LY75: variants seen among roughly 807,000 people sequenced by gnomAD.
LY75 encodes lymphocyte antigen 75, also known as C-type lectin domain family 13 member B.
LY75 carries 185 observed loss-of-function variants against 231.7 expected under a neutral mutation model. The ratio of observed to expected loss-of-function variants is 0.80; its 90% CI spans 0.71 to 0.90. LY75 has a LOEUF of 0.90. LY75 is among the 40% of genes least tolerant of loss of function. LY75 has a pLI of 0.00. For missense variants in LY75, 1,947 were observed against 2,050.2 expected (o/e 0.95, Z 0.97); for synonymous variants, 668 against 689.0 (o/e 0.97, Z 0.48).
In LY75 at chr2:159,816,738, T is replaced by C. The variant is rs1460952067; in HGVS notation, c.4380+68A>G. On this transcript the variant is annotated intron_variant, in intron 30 of 34. Coordinates refer to ENST00000263636, the MANE Select transcript of LY75 (RefSeq NM_002349.4). ...AATGTTGTACTTTGTGTTAATACTT[T>C]ACGCTCAAATTTCTAACCCTCAAAA... The C allele has an allele frequency of 3.1e-6, 5 of 1,588,354 alleles. No individual in the cohort carries two copies. The African/African-American group carries it at 6.7e-5, about 21-fold the overall frequency.
intron 25 of LY75, among the ~76,000 whole-genome samples, chr2:159,838,473 AT>A (rs1683903460): frequency 6.6e-6 from 1 of 152,204 alleles, no homozygotes; most frequent in African/African-American, 2.4e-5. Context: ...AACTTGAAAG[AT>A]CCATACCAAA....
Position 159,816,880 on chromosome 2 carries a change from T to C in LY75, c.4306A>G (p.Asn1436Asp). ...GGHLASVHNQ[N>D]GQLFLEDIVK... ...ATATCTTCCAGAAAGAGCTGGCCAT[T>C]TTGGTTGTGAACGCTTGCCAAGTGA... The change falls in exon 30 of 35, where the codon AAT (asparagine) becomes GAT (aspartate). Residue 1436 changes from asparagine (N) to aspartate (D), a missense_variant. Asn to Asp is a conservative substitution (Grantham distance 23). Transcript: ENST00000263636. 1 of 1,614,176 alleles carries C rather than the reference T, an allele frequency of 6.2e-7. No individual in the cohort carries two copies. Among genetic ancestry groups the C allele is most frequent in the South Asian group, 1.1e-5 (1 of 91,088 alleles).
intron 1 of LY75, among the ~76,000 whole-genome samples, chr2:159,904,212 G>T (rs528415154): frequency 6.6e-6 from 1 of 152,220 alleles, no homozygotes; most frequent in Non-Finnish European, 1.5e-5. Context: ...GAGAACGGGA[G>T]GGACGGGACG....
chr2:159,844,095 C>T (rs1684124872), intron 23 of LY75, among the ~76,000 whole-genome samples: 1 of 151,918 alleles, frequency 6.6e-6, no homozygotes, highest in Non-Finnish European at 1.5e-5. Flanking sequence ...TGGAAAGCTA[C>T]CCAGTCATTT....
At chr2:159,807,275 G>A in intron 33 of LY75, 135 bp from the exon 34 acceptor site, 1 of 1,105,184 alleles carries the variant, frequency 9.0e-7, no homozygotes. Context: ...CATTAAAAAT[G>A]AAAAAAATAA....
intron 2 of LY75, among the ~76,000 whole-genome samples, chr2:159,895,580 A>G (rs920832285): frequency 5.3e-5 from 8 of 152,198 alleles, no homozygotes; most frequent in African/African-American, 1.7e-4. Context: ...GGGAGGTATT[A>G]TACTTGTCTG....
intron 24 of LY75, among the ~76,000 whole-genome samples, chr2:159,841,511 G>T (rs1684027974): frequency 6.6e-6 from 1 of 151,900 alleles, no homozygotes; most frequent in South Asian, 2.1e-4. Context: ...ATTTTTTCTT[G>T]ATCATTTGTT....
chr2:159,819,010 T>C (rs1683206327), intron 29 of LY75, among the ~76,000 whole-genome samples: 1 of 152,166 alleles, frequency 6.6e-6, no homozygotes, highest in Non-Finnish European at 1.5e-5. Context: ...GTTTCTAAAA[T>C]GTCTCAAAAG....
chr2:159,831,832 G>A lies in LY75; in HGVS notation c.3842-46C>T, dbSNP rs754533552. ...AATAATTTTAACAATTACTTATCTA[G>A]TACACTTCTATTTGATAAGTTTAAA... On this transcript the variant is annotated intron_variant, in intron 27 of 34. Coordinates refer to ENST00000263636, the MANE Select transcript of LY75 (RefSeq NM_002349.4). 3 of 1,486,786 alleles carry A rather than the reference G, an allele frequency of 2.0e-6. No individual in the cohort carries two copies. The East Asian group carries it at 7.0e-5, about 35-fold the overall frequency. 92.1% of individuals were successfully genotyped at this position (1,486,786 alleles called of 1,614,324 possible).
At chr2:159,857,692 A>G (rs1290516618) in intron 16 of LY75, among the ~76,000 whole-genome samples, 1 of 152,240 alleles carries the variant, frequency 6.6e-6, no homozygotes, top group Non-Finnish European at 1.5e-5. Flanking sequence ...CAGTGAGCCA[A>G]GATTGTGCTA....
intron 6 of LY75, among the ~76,000 whole-genome samples, chr2:159,884,533 T>C (rs1685530670): frequency 6.6e-6 from 1 of 152,120 alleles, no homozygotes; most frequent in Non-Finnish European, 1.5e-5. Context: ...CTCTCCTTTT[T>C]TACTTGATTT....
At position 159,890,339 on chromosome 2, in the gene LY75, A is replaced by T; in HGVS notation, c.676T>A (p.Phe226Ile). Reference protein sequence around the residue: ...CEDNWEKNEQFGSCYQFNTQT... With the variant: ...CEDNWEKNEQIGSCYQFNTQT... ...GTATTAAATTGGTAGCAACTTCCAA[A>T]CTGCTCGTTCTTTTCCCAATTATCT... Residue 226 changes from phenylalanine to isoleucine, a missense_variant, in exon 4 of 35, where the codon TTT becomes ATT. Coordinates refer to ENST00000263636, the MANE Select transcript of LY75 (RefSeq NM_002349.4). 6.2e-7 allele frequency: 1 copy of T among 1,613,354 alleles called. No homozygotes were observed. Among genetic ancestry groups the T allele is most frequent in the Non-Finnish European group, 8.5e-7 (1 of 1,179,602 alleles).
At chr2:159,827,874 G>A (rs369511157) in intron 28 of LY75, among the ~76,000 whole-genome samples, 14 of 152,136 alleles carry the variant, frequency 9.2e-5, no homozygotes, top group East Asian at 3.9e-4. Flanking sequence ...ACCAAACACC[G>A]CATGTTCTCA....
At chr2:159,859,899 T>C (rs1253942082) in intron 15 of LY75, among the ~76,000 whole-genome samples, 3 of 152,330 alleles carry the variant, frequency 2.0e-5, no homozygotes, top group African/African-American at 4.8e-5. Context: ...ACCACCACCA[T>C]GGACCATCAC....
At chr2:159,899,615 C>T (rs1465541764) in intron 1 of LY75, among the ~76,000 whole-genome samples, 3 of 152,170 alleles carry the variant, frequency 2.0e-5, no homozygotes, top group African/African-American at 4.8e-5. Context: ...TTCCTTTCTT[C>T]AGATCCAAGT....
chr2:159,849,970 A>G lies in LY75; in HGVS notation c.3150+10T>C. 6.2e-7 allele frequency: 1 copy of G among 1,607,678 alleles called. No individual in the cohort carries two copies. Among genetic ancestry groups the G allele is most frequent in the Non-Finnish European group, 8.5e-7 (1 of 1,178,158 alleles). ...AGGTATGAAGAGTATTGGTTTTTAA[A>G]AAAACTTACATTTTCTGGTATTCTC... On this transcript the variant is annotated intron_variant, in intron 23 of 34. Coordinates refer to ENST00000263636, the MANE Select transcript of LY75 (RefSeq NM_002349.4).
At chr2:159,880,570 G>A (rs536571439) in intron 8 of LY75, among the ~76,000 whole-genome samples, 87 of 152,182 alleles carry the variant, frequency 5.7e-4, no homozygotes, top group Non-Finnish European at 1.1e-3. Flanking sequence ...ATCTGTTTGA[G>A]ACCAGAAAAG....
intron 2 of LY75, among the ~76,000 whole-genome samples, chr2:159,897,219 C>T (rs1226966254): frequency 6.6e-6 from 1 of 152,138 alleles, no homozygotes; most frequent in East Asian, 1.9e-4. Context: ...GATCAGGAGA[C>T]TAAAAGAACC....
chr2:159,813,469 T>C (rs1683026840), intron 31 of LY75, among the ~76,000 whole-genome samples: 1 of 152,046 alleles, frequency 6.6e-6, no homozygotes, highest in Non-Finnish European at 1.5e-5. Context: ...AGGCTAGAAG[T>C]CTGAATTGAA....
Sources: allele counts gnomAD v4.1 joint callset (sites outside exome capture counted in the v4.1 genomes callset), GRCh38; gene constraint gnomAD v4.1.1; transcripts MANE v1.5; gene names NCBI Gene and HGNC (gene_info 2026-07-23, HGNC 2026-07-21).